MYO5A: variants seen among roughly 807,000 people sequenced by gnomAD.
The protein encoded by MYO5A is myosin VA, also known as unconventional myosin-Va.
A neutral mutation model predicts 249.7 loss-of-function variants in MYO5A; 98 were observed. The observed-to-expected ratio is 0.39, with a 90% confidence interval of 0.33 to 0.46. MYO5A has a LOEUF of 0.46. Among genes scored for constraint, MYO5A ranks in the 20% least tolerant of loss-of-function variants. The pLI is 0.98. For missense variants in MYO5A, 1,696 were observed against 2,308.8 expected (o/e 0.73, Z 5.44); for synonymous variants, 778 against 810.6 (o/e 0.96, Z 0.68).
At chr15:52,350,033 C>T (rs961346787) in intron 28 of MYO5A, among the ~76,000 whole-genome samples, 20 of 152,244 alleles carry the variant, frequency 1.3e-4, no homozygotes, top group African/African-American at 4.6e-4. Flanking sequence ...CCCAGGTTCA[C>T]GCCATTCTCC....
chr15:52,412,438 AGAAGCCC>A (rs1279412644), intron 5 of MYO5A, among the ~76,000 whole-genome samples: 5 of 152,262 alleles, frequency 3.3e-5, no homozygotes, highest in African/African-American at 1.2e-4. Flanking sequence ...CAAATGAATT[AGAAGCCC>A]GAAGACCTAT....
rs1275601709 is a variant in MYO5A at position 52,311,506 on chromosome 15, T to C, written c.*2190A>G. ...TTGATACTGCAAATAAATAAATAAATGTATTCAAACTGAATAAAGCAATAC... is the reference window on the plus strand; with the variant it reads ...TTGATACTGCAAATAAATAAATAAACGTATTCAAACTGAATAAAGCAATAC... On this transcript the variant is annotated 3_prime_UTR_variant, in exon 42 of 42. Coordinates refer to ENST00000399233, the MANE Select transcript of MYO5A (RefSeq NM_001382347.1). The C allele has an allele frequency of 6.6e-6, 1 of 152,184 alleles. No homozygotes were observed. Among genetic ancestry groups the C allele is most frequent in the African/African-American group, 2.4e-5 (1 of 41,448 alleles). The allele number at this position is 152,184 out of a possible 1,614,324, so 9.4% of individuals were successfully genotyped here.
chr15:52,477,210 A>C (rs1332550771), intron 1 of MYO5A, among the ~76,000 whole-genome samples: 1 of 152,170 alleles, frequency 6.6e-6, no homozygotes, highest in African/African-American at 2.4e-5. Flanking sequence ...TGCATGCGTC[A>C]CGTAGTTCTT....
At chr15:52,408,181 T>C (rs751215613) in intron 6 of MYO5A, 41 bp from the exon 7 acceptor site, 2 of 1,158,362 alleles carry the variant, frequency 1.7e-6, no homozygotes, top group South Asian at 2.5e-5. Flanking sequence ...CATTTTAATC[T>C]AAAATTCAGG....
chr15:52,362,116 A>G (rs891078034), intron 24 of MYO5A, among the ~76,000 whole-genome samples: 2 of 152,190 alleles, frequency 1.3e-5, no homozygotes, highest in African/African-American at 4.8e-5. Flanking sequence ...TCTTGGAGAA[A>G]AATGCTACAG....
chr15:52,384,348 T>C (rs1420646351), intron 14 of MYO5A, 26 bp from the exon 15 acceptor site: 2 of 1,611,784 alleles, frequency 1.2e-6, no homozygotes, highest in African/African-American at 2.7e-5. Flanking sequence ...TATAAAGAAA[T>C]TACATTCTAA....
chr15:52,528,735 G>A, intron 1 of MYO5A, 45 bp downstream of exon 1: 1 of 1,490,468 alleles, frequency 6.7e-7, no homozygotes, highest in Non-Finnish European at 8.9e-7. Context: ...TGGCGGCGAG[G>A]GCCGCACAGC....
At chr15:52,428,210 A>G (rs761841469) in intron 3 of MYO5A, among the ~76,000 whole-genome samples, 188 bp downstream of exon 3, 1 of 152,198 alleles carries the variant, frequency 6.6e-6, no homozygotes, top group Non-Finnish European at 1.5e-5. Flanking sequence ...TAGCAAAATT[A>G]TGTAAGGTCA....
In MYO5A at chr15:52,364,645, T is replaced by C; in HGVS notation, c.3218A>G (p.Asp1073Gly). 1 of 1,613,910 alleles carries C rather than the reference T, an allele frequency of 6.2e-7. No individual in the cohort carries two copies. The highest frequency in any genetic ancestry group is 1.1e-5 in the South Asian group (1 of 91,068). The stretch of plus-strand genomic sequence containing the variant: ...AAGGTTCTGATATCTCAGCCTTTCA[T>C]CATTAAGGTCGAGTTCCAGTTGTTT... ...ETKQLELDLN[D>G]ERLRYQNLLN... Residue 1073 changes from aspartate to glycine, a missense_variant, in exon 24 of 42, where the codon GAT becomes GGT. By Grantham distance (94) the Asp-to-Gly change is moderately conservative (BLOSUM62 -1). Transcript: ENST00000399233.
intron 1 of MYO5A, among the ~76,000 whole-genome samples, chr15:52,472,848 A>C (rs569280994): frequency 6.6e-6 from 1 of 152,328 alleles, no homozygotes; most frequent in Non-Finnish European, 1.5e-5. Flanking sequence ...TACCTCAATA[A>C]ACATACGTGT....
intron 25 of MYO5A, among the ~76,000 whole-genome samples, chr15:52,359,580 T>C (rs2040416324): frequency 6.6e-6 from 1 of 152,180 alleles, no homozygotes; most frequent in Admixed American, 6.5e-5. Context: ...ATAATTTACC[T>C]CTGTCTACAG....
chr15:52,426,550 C>T (rs2075398756), intron 3 of MYO5A, among the ~76,000 whole-genome samples: 1 of 152,126 alleles, frequency 6.6e-6, no homozygotes, highest in East Asian at 1.9e-4. Flanking sequence ...ACAGCCTAGA[C>T]CTCCCAGGCT....
chr15:52,353,852 G>A lies in MYO5A; in HGVS notation c.3567+19C>T, dbSNP rs200875714. 2,061 of 1,612,994 alleles carry A rather than the reference G, an allele frequency of 1.3e-3. 5 individuals are homozygous for A. In the Middle Eastern group the frequency reaches 0.02, roughly 15 times the overall value. On this transcript the variant is annotated intron_variant, in intron 26 of 41. Transcript: ENST00000399233. ...CATAAAGCCCAGCTTCAGCTCTGCG[G>A]ATGGGCTGTGCTGCGCACCTTGGCC...
chr15:52,458,187 T>C (rs1235608660), intron 1 of MYO5A, among the ~76,000 whole-genome samples: 2 of 152,222 alleles, frequency 1.3e-5, no homozygotes, highest in East Asian at 1.9e-4. Flanking sequence ...TAGTGTTCAA[T>C]AGCACAATAA....
chr15:52,437,974 T>C, intron 1 of MYO5A: 1 of 941,178 alleles, frequency 1.1e-6, no homozygotes, highest in Non-Finnish European at 1.3e-6. Flanking sequence ...ATCTTAGCTT[T>C]ACCTCTGAGG....
At chr15:52,382,571 C>A (rs1282150835) in intron 16 of MYO5A, among the ~76,000 whole-genome samples, 1 of 152,078 alleles carries the variant, frequency 6.6e-6, no homozygotes, top group Non-Finnish European at 1.5e-5. Context: ...AACTCTATCT[C>A]AAAATAAATA....
At position 52,493,022 on chromosome 15, in the gene MYO5A, T is replaced by A. The variant is rs146909691; in HGVS notation, c.27+35758A>T. ...GAATCAGAATTTATAGAACCCTTAG[T>A]CTATCACCAAGGCCTGAGGGAAGAA... On this transcript the variant is annotated intron_variant, in intron 1 of 41. Transcript: ENST00000399233. Among the ~76,000 whole-genome samples the A allele has an allele frequency of 8.7e-4, 132 of 151,802 alleles. 1 individual carries two copies. The highest frequency in any genetic ancestry group is 3.1e-3 in the African/African-American group (127 of 41,410).
intron 1 of MYO5A, among the ~76,000 whole-genome samples, chr15:52,521,625 G>A (rs1457166798): frequency 2.6e-5 from 4 of 152,162 alleles, no homozygotes; most frequent in African/African-American, 9.7e-5. Context: ...ATCAAGTTTA[G>A]AACCATTATT....
intron 9 of MYO5A, among the ~76,000 whole-genome samples, chr15:52,402,735 C>T (rs1379046265): frequency 6.6e-6 from 1 of 152,052 alleles, no homozygotes; most frequent in East Asian, 1.9e-4. Context: ...ATCCCAGCTA[C>T]TCGGGAGGCT....
Sources: gnomAD v4.1 joint callset for allele counts (sites outside exome capture counted in the v4.1 genomes callset) on GRCh38, gnomAD v4.1.1 for gene constraint, MANE v1.5 for transcripts, NCBI Gene and HGNC (gene_info 2026-07-23, HGNC 2026-07-21) for gene names.